The following TMEM154 variants were observed in gnomAD, a reference collection of about 807,000 sequenced individuals.
TMEM154 encodes the protein transmembrane protein 154.
A neutral mutation model predicts 24.5 loss-of-function variants in TMEM154; 27 were observed. The ratio of observed to expected loss-of-function variants is 1.10; its 90% CI spans 0.81 to 1.52. The LOEUF (loss-of-function observed/expected upper bound fraction) is 1.52, where lower values mean the gene tolerates loss of function less well. Ranked by LOEUF, TMEM154 falls within the 40% of genes most tolerant of loss-of-function variation. The pLI is 0.00. For synonymous variants in TMEM154, 67 were observed against 76.8 expected (o/e 0.87, Z 0.67); for missense variants, 228 against 213.4 (o/e 1.07, Z -0.43).
chr4:152,637,498 T>C (rs1402377998), intron 6 of TMEM154, among the ~76,000 whole-genome samples: 2 of 152,040 alleles, frequency 1.3e-5, no homozygotes, highest in Non-Finnish European at 2.9e-5. Flanking sequence ...TTAGCCAAGA[T>C]TGCACCATTG....
intron 6 of TMEM154, among the ~76,000 whole-genome samples, chr4:152,640,687 G>A (rs964165032): frequency 3.9e-5 from 6 of 152,138 alleles, no homozygotes; most frequent in African/African-American, 1.4e-4. Flanking sequence ...CTTTAGAAGG[G>A]CAAGAAAATG....
chr4:152,657,112 T>C (rs2149786044), intron 1 of TMEM154, among the ~76,000 whole-genome samples: 1 of 148,764 alleles, frequency 6.7e-6, no homozygotes, highest in East Asian at 2.0e-4. Flanking sequence ...TCTTTTGAAA[T>C]AACCTAGTCA....
rs374994956 is a variant in TMEM154, at chr4:152,624,523, C to A, written c.*4023G>T. 5 of 152,180 alleles carry A rather than the reference C, an allele frequency of 3.3e-5. No individual in the cohort carries two copies. The highest frequency in any genetic ancestry group is 1.2e-4 in the African/African-American group (5 of 41,482). The allele number at this position is 152,180 out of a possible 1,614,324, so 9.4% of individuals were successfully genotyped here. A position where few individuals can be genotyped will look rare whatever the true frequency, so the allele number is the denominator to read the frequency against. On this transcript the variant is annotated 3_prime_UTR_variant, in exon 7 of 7. Transcript: ENST00000304385. ...GGCTGAGGTAATAGAATCACCTGAGCCTGGGAAGTTGAGGCTGCAGTGAGC... is the reference window on the plus strand; with the variant it reads ...GGCTGAGGTAATAGAATCACCTGAGACTGGGAAGTTGAGGCTGCAGTGAGC...
intron 3 of TMEM154, among the ~76,000 whole-genome samples, chr4:152,649,975 A>C (rs1160714264): frequency 2.0e-5 from 3 of 152,256 alleles, no homozygotes; most frequent in Non-Finnish European, 4.4e-5. Flanking sequence ...TATATACCTT[A>C]ATTTAAAATA....
chr4:152,660,557 G>T (rs1336427347), intron 1 of TMEM154, among the ~76,000 whole-genome samples: 6 of 152,150 alleles, frequency 3.9e-5, no homozygotes, highest in Non-Finnish European at 1.5e-5. Context: ...GGGCAAAGAG[G>T]TTACACAACT....
At chr4:152,641,934 T>TG (rs1752266438) in intron 5 of TMEM154, among the ~76,000 whole-genome samples, 1 of 123,548 alleles carries the variant, frequency 8.1e-6, no homozygotes, top group African/African-American at 2.8e-5. Flanking sequence ...TTTTTTTTTT[T>TG]TTTGTTGAGA....
At chr4:152,666,309 G>A (rs1728721798) in intron 1 of TMEM154, 1 of 152,138 alleles carries the variant, frequency 6.6e-6, no homozygotes, top group Non-Finnish European at 1.5e-5. Context: ...CTGGGTAACA[G>A]TATTTCTTAA....
intron 1 of TMEM154, among the ~76,000 whole-genome samples, chr4:152,664,005 G>A (rs2149788322): frequency 6.6e-6 from 1 of 152,272 alleles, no homozygotes; most frequent in South Asian, 2.1e-4. Flanking sequence ...TCACTAAATG[G>A]AAATGACTCT....
intron 6 of TMEM154, among the ~76,000 whole-genome samples, chr4:152,635,563 T>G (rs1288674454): frequency 6.6e-6 from 1 of 152,100 alleles, no homozygotes; most frequent in African/African-American, 2.4e-5. Context: ...AATTATACTT[T>G]CTCAAAAAAT....
At chr4:152,631,520 ACCT>A (rs1177831037) in intron 6 of TMEM154, among the ~76,000 whole-genome samples, 1 of 151,702 alleles carries the variant, frequency 6.6e-6, no homozygotes, top group Non-Finnish European at 1.5e-5. Context: ...TGCAGCCTCG[ACCT>A]CCTGGGCTCC....
At chr4:152,653,324 A>G (rs747393382) in intron 1 of TMEM154, among the ~76,000 whole-genome samples, 7 of 152,076 alleles carry the variant, frequency 4.6e-5, no homozygotes, top group Admixed American at 1.3e-4. Context: ...TTAAATTCAC[A>G]TTTACTAAAA....
chr4:152,628,588 A>G, intron 6 of TMEM154, 27 bp from the exon 7 acceptor site: 2 of 978,484 alleles, frequency 2.0e-6, no homozygotes, highest in Non-Finnish European at 2.7e-6. Flanking sequence ...AAAAAAAAAA[A>G]AAAACAAAAA....
At chr4:152,650,443 T>C (rs144863680) in intron 3 of TMEM154, among the ~76,000 whole-genome samples, 33 of 152,322 alleles carry the variant, frequency 2.2e-4, no homozygotes, top group African/African-American at 7.5e-4. Context: ...TATCATGAGA[T>C]TGCAGCAATT....
At chr4:152,641,159 TG>T (rs1752250402) in intron 5 of TMEM154, 174 bp from the exon 6 acceptor site, 2 of 558,840 alleles carry the variant, frequency 3.6e-6, no homozygotes, top group Non-Finnish European at 6.2e-6. Context: ...GCTCTTGAAA[TG>T]GAAAAAGCAC....
At chr4:152,673,937 A>G (rs992211134) in intron 1 of TMEM154, among the ~76,000 whole-genome samples, 2 of 151,854 alleles carry the variant, frequency 1.3e-5, no homozygotes, top group African/African-American at 2.4e-5. Context: ...GAGCATGAAC[A>G]TCTTCTGCTT....
chr4:152,659,530 G>A (rs189924407), intron 1 of TMEM154, among the ~76,000 whole-genome samples: 12 of 152,248 alleles, frequency 7.9e-5, no homozygotes, highest in Admixed American at 4.6e-4. Flanking sequence ...AATGTCCTCA[G>A]CACATAGAAA....
At chr4:152,652,402 C>T (rs1459473337) in intron 3 of TMEM154, 136 bp downstream of exon 3, 3 of 1,341,042 alleles carry the variant, frequency 2.2e-6, no homozygotes, top group East Asian at 2.6e-5. Context: ...CATATATTCA[C>T]TTCTGGAAAA....
At chr4:152,632,850 G>A (rs577140588) in intron 6 of TMEM154, among the ~76,000 whole-genome samples, 3 of 152,198 alleles carry the variant, frequency 2.0e-5, no homozygotes, top group African/African-American at 7.2e-5. Context: ...TTTCTTAGCC[G>A]GAGTTTCTTA....
rs1751915124 is a variant in TMEM154, at chr4:152,626,166, C to T, written c.*2380G>A. On this transcript the variant is annotated 3_prime_UTR_variant, in exon 7 of 7. Coordinates refer to ENST00000304385, the MANE Select transcript of TMEM154 (RefSeq NM_152680.3). ...AAGTTTCCTGAGAAGTTTGACTAGG[C>T]TATGTTGTTGTTAACCTAGTTTGCT... is the stretch of plus-strand genomic sequence containing the variant. 6.6e-6 allele frequency: 1 copy of T among 152,522 alleles called. No homozygotes were observed. The highest frequency in any genetic ancestry group is 6.5e-5 in the Admixed American group (1 of 15,272). 9.4% of individuals were successfully genotyped at this position (152,522 alleles called of 1,614,324 possible).
Sources: allele counts gnomAD v4.1 joint callset (sites outside exome capture counted in the v4.1 genomes callset), GRCh38; gene constraint gnomAD v4.1.1; transcripts MANE v1.5; gene names NCBI Gene and HGNC (gene_info 2026-07-23, HGNC 2026-07-21).